MORN3: variants seen among roughly 807,000 people sequenced by gnomAD.
MORN3 encodes MORN repeat containing 3.
Under a neutral mutation model 34.7 loss-of-function variants are expected in MORN3, and 38 were observed. That is an observed-to-expected ratio of 1.10 (90% CI 0.85 to 1.44). MORN3 has a LOEUF of 1.44. MORN3 is among the 40% of genes most tolerant of loss of function. The pLI, the probability that MORN3 is intolerant of heterozygous loss-of-function variation, is 0.00. For missense variants in MORN3, 311 were observed against 321.7 expected (o/e 0.97, Z 0.25); for synonymous variants, 109 against 115.3 (o/e 0.95, Z 0.35).
chr12:121,668,797 T>C (rs1339000322), intron 1 of MORN3, among the ~76,000 whole-genome samples: 1 of 152,154 alleles, frequency 6.6e-6, no homozygotes, highest in Non-Finnish European at 1.5e-5. Flanking sequence ...ATAAAAGCTC[T>C]TTTTTCTTTA....
At chr12:121,659,500 A>C in intron 1 of MORN3, 152 bp from the exon 2 acceptor site, 1 of 671,046 alleles carries the variant, frequency 1.5e-6, no homozygotes, top group Non-Finnish European at 2.5e-6. Flanking sequence ...ACCCAGGAGA[A>C]GGCCAGGAAA....
chr12:121,665,680 G>T (rs1346351637), intron 1 of MORN3, among the ~76,000 whole-genome samples: 3 of 144,574 alleles, frequency 2.1e-5, no homozygotes, highest in Non-Finnish European at 3.0e-5. Flanking sequence ...CAGGATAATC[G>T]CTTGAACCTG....
At chr12:121,652,260 GTCCC>G (rs1555325160) in intron 5 of MORN3, among the ~76,000 whole-genome samples, 9 of 151,660 alleles carry the variant, frequency 5.9e-5, no homozygotes, top group Non-Finnish European at 1.0e-4. Flanking sequence ...TTGAGACAGA[GTCCC>G]ATTCTGTCGC....
chr12:121,664,600 G>C (rs916811790), intron 1 of MORN3, among the ~76,000 whole-genome samples: 3 of 152,120 alleles, frequency 2.0e-5, no homozygotes, highest in African/African-American at 7.2e-5. Context: ...CTCTACTGAA[G>C]ATACAAAAAT....
intron 1 of MORN3, among the ~76,000 whole-genome samples, chr12:121,666,315 C>CTGGCAAG (rs1893754008): frequency 6.6e-6 from 1 of 152,064 alleles, no homozygotes; most frequent in Non-Finnish European, 1.5e-5. Context: ...GCTACCGCAC[C>CTGGCAAG]TGGCAAGTGA....
At chr12:121,652,686 C>A (rs782096433) in intron 5 of MORN3, 42 bp downstream of exon 5, 5 of 1,587,278 alleles carry the variant, frequency 3.2e-6, no homozygotes, top group Non-Finnish European at 4.3e-6. Context: ...CCTGGAGCAG[C>A]CTCAGCCACA....
chr12:121,652,035 C>T (rs1384367201), intron 5 of MORN3, among the ~76,000 whole-genome samples: 1 of 152,054 alleles, frequency 6.6e-6, no homozygotes, highest in Non-Finnish European at 1.5e-5. Context: ...CTCCCAGGTT[C>T]AAGCAATTCT....
upstream of MORN3, among the ~76,000 whole-genome samples, chr12:121,670,258 GA>G (rs2136889690): frequency 6.6e-6 from 1 of 152,182 alleles, no homozygotes; most frequent in Non-Finnish European, 1.5e-5. Flanking sequence ...TCCAGGCAAA[GA>G]AAATAGGCAG....
At chr12:121,660,065 G>A (rs1594228247) in intron 1 of MORN3, among the ~76,000 whole-genome samples, 2 of 151,170 alleles carry the variant, frequency 1.3e-5, no homozygotes, top group African/African-American at 4.9e-5. Context: ...GAAACCCTGT[G>A]TCTACTAAAA....
chr12:121,655,073 T>C (rs1171971492), intron 2 of MORN3, among the ~76,000 whole-genome samples: 1 of 152,046 alleles, frequency 6.6e-6, no homozygotes, highest in East Asian at 1.9e-4. Context: ...ATCGCCCATC[T>C]AGGCTGGGCG....
At chr12:121,668,536 C>T (rs1182719350) in intron 1 of MORN3, among the ~76,000 whole-genome samples, 1 of 151,916 alleles carries the variant, frequency 6.6e-6, no homozygotes, top group East Asian at 1.9e-4. Flanking sequence ...AGTGAAACTC[C>T]GTCTAAAAAA....
intron 2 of MORN3, among the ~76,000 whole-genome samples, chr12:121,656,226 G>A (rs1383718938): frequency 1.3e-5 from 2 of 151,978 alleles, no homozygotes; most frequent in Non-Finnish European, 2.9e-5. Flanking sequence ...TTTACATCTC[G>A]TTCCCTTTGC....
intron 1 of MORN3, among the ~76,000 whole-genome samples, chr12:121,666,718 G>A (rs955769542): frequency 1.3e-5 from 2 of 152,056 alleles, no homozygotes; most frequent in East Asian, 1.9e-4. Flanking sequence ...GGGGTGCTTC[G>A]TTCTCCTGCT....
chr12:121,660,623 G>A (rs77108785), intron 1 of MORN3, among the ~76,000 whole-genome samples: 4,850 of 149,470 alleles, frequency 0.032, 200 homozygotes, highest in East Asian at 0.1. Context: ...TACTGGGATT[G>A]CAGGCATGAG....
intron 2 of MORN3, among the ~76,000 whole-genome samples, chr12:121,657,228 TG>T (rs782194718): frequency 3.0e-4 from 45 of 152,192 alleles, no homozygotes; most frequent in Non-Finnish European, 5.1e-4. Context: ...AGATTGCCTT[TG>T]TAGGATTAAC....
intron 1 of MORN3, among the ~76,000 whole-genome samples, chr12:121,663,939 T>C (rs1471303755): frequency 6.6e-6 from 1 of 152,056 alleles, no homozygotes; most frequent in Non-Finnish European, 1.5e-5. Context: ...ACTCTCCCAC[T>C]CTAAACCCCC....
At chr12:121,661,907 G>A (rs1336016816) in intron 1 of MORN3, among the ~76,000 whole-genome samples, 2 of 151,298 alleles carry the variant, frequency 1.3e-5, no homozygotes, top group Admixed American at 1.3e-4. Context: ...GAGGGAGGAA[G>A]GGAGGAAGGG....
intron 4 of MORN3, 40 bp downstream of exon 4, chr12:121,653,035 G>A (rs1555325248): frequency 5.1e-6 from 8 of 1,558,304 alleles, no homozygotes; most frequent in Non-Finnish European, 6.9e-6. Flanking sequence ...TTCTGTCTCT[G>A]TCTGGGTGTG....
chr12:121,669,966 T>A (rs1893908494), upstream of MORN3, among the ~76,000 whole-genome samples: 1 of 151,746 alleles, frequency 6.6e-6, no homozygotes, highest in Non-Finnish European at 1.5e-5. Flanking sequence ...CTCTGCCTCC[T>A]GGGTTCAAGT....
Sources: allele counts gnomAD v4.1 joint callset (sites outside exome capture counted in the v4.1 genomes callset), GRCh38; gene constraint gnomAD v4.1.1; transcripts MANE v1.5; gene names NCBI Gene and HGNC (gene_info 2026-07-23, HGNC 2026-07-21).